Variants in LARS2 observed in about 807,000 individuals in gnomAD.
LARS2 encodes the protein leucyl-tRNA synthetase 2, mitochondrial, also known as leucine--tRNA ligase, mitochondrial.
In LARS2, 81 loss-of-function variants were observed where a neutral mutation model predicts 116.6. The observed-to-expected ratio is 0.69, with a 90% CI of 0.58 to 0.84. The LOEUF (loss-of-function observed/expected upper bound fraction) is 0.84, where lower values mean the gene tolerates loss of function less well. LARS2 is among the 40% of genes least tolerant of loss of function. The pLI is 0.00. For synonymous variants in LARS2, 396 were observed against 407.2 expected (o/e 0.97, Z 0.33); for missense variants, 968 against 1,114.5 (o/e 0.87, Z 1.87).
chr3:45,415,884 GAGAGAGAGGGAGA>G (rs1698410104), intron 4 of LARS2, among the ~76,000 whole-genome samples: 1 of 99,948 alleles, frequency 1.0e-5, no homozygotes, highest in Non-Finnish European at 1.7e-5. Flanking sequence ...TATAGAGAGA[GAGAGAGAGGGAGA>G]GAGAGAGAGA....
In LARS2 at chr3:45,446,229, T is replaced by C. The variant is rs115856556; in HGVS notation, c.517-662T>C. Among the ~76,000 whole-genome samples the C allele has an allele frequency of 6.7e-3, 1,020 of 152,376 alleles. 12 individuals carry two copies. The highest frequency in any genetic ancestry group is 0.023 in the African/African-American group (950 of 41,590). On this transcript the variant is annotated intron_variant, in intron 6 of 21. Transcript: ENST00000645846. Reference sequence around the variant, plus strand: ...ATTTGACTTTATCAACTGTAAATTCTGTTTTTAAGAATTCTATAACAAATG... The same window carrying C: ...ATTTGACTTTATCAACTGTAAATTCCGTTTTTAAGAATTCTATAACAAATG...
At chr3:45,433,106 A>C (rs1241730466) in intron 6 of LARS2, among the ~76,000 whole-genome samples, 1 of 152,010 alleles carries the variant, frequency 6.6e-6, no homozygotes, top group East Asian at 1.9e-4. Context: ...TAATTTTTGC[A>C]TAGTATGTCT....
rs1699913571 is a variant in LARS2 at position 45,491,506 on chromosome 3, T to G, written c.1240-11T>G. ...CGGAGAGGAGTGAGCTTTCTTTTCTTTCCCTGTCAGTTCACAGGTATGACC... is the reference window on the plus strand; with the variant it reads ...CGGAGAGGAGTGAGCTTTCTTTTCTGTCCCTGTCAGTTCACAGGTATGACC... On this transcript the variant is annotated splice_polypyrimidine_tract_variant and intron_variant, in intron 12 of 21. Coordinates refer to ENST00000645846, the MANE Select transcript of LARS2 (RefSeq NM_015340.4). 1 of 1,612,386 alleles carries G rather than the reference T, an allele frequency of 6.2e-7. No homozygotes were observed. The highest frequency in any genetic ancestry group is 1.7e-5 in the Admixed American group (1 of 59,976).
At chr3:45,546,761 C>A (rs1700881312) in intron 21 of LARS2, among the ~76,000 whole-genome samples, 1 of 152,140 alleles carries the variant, frequency 6.6e-6, no homozygotes, top group South Asian at 2.1e-4. Context: ...ACTGTACTGA[C>A]CCATGTTAAG....
At chr3:45,428,419 A>G (rs564667452) in intron 6 of LARS2, among the ~76,000 whole-genome samples, 8 of 150,760 alleles carry the variant, frequency 5.3e-5, no homozygotes, top group African/African-American at 1.7e-4. Context: ...AATTTTTTTT[A>G]TATTTTTAGT....
intron 17 of LARS2, among the ~76,000 whole-genome samples, chr3:45,516,951 G>A (rs1575308155): frequency 6.6e-6 from 1 of 152,332 alleles, no homozygotes; most frequent in East Asian, 1.9e-4. Context: ...TACTTCATGT[G>A]ATCAGCCCTA....
intron 4 of LARS2, among the ~76,000 whole-genome samples, chr3:45,403,857 C>T (rs1387448530): frequency 2.6e-5 from 4 of 152,140 alleles, no homozygotes; most frequent in East Asian, 3.9e-4. Flanking sequence ...TCTAGCCAAG[C>T]GACTCTACAG....
At chr3:45,399,209 A>G (rs1405785516) in intron 3 of LARS2, among the ~76,000 whole-genome samples, 1 of 152,308 alleles carries the variant, frequency 6.6e-6, no homozygotes, top group South Asian at 2.1e-4. Context: ...ATTTTTGTTG[A>G]AAGATAGGCT....
intron 5 of LARS2, 89 bp from the exon 6 acceptor site, chr3:45,419,580 T>G (rs1698482931): frequency 3.0e-6 from 3 of 988,084 alleles, no homozygotes; most frequent in Non-Finnish European, 4.8e-6. Context: ...TTTAGACTTT[T>G]TCAGTTTCCC....
intron 15 of LARS2, among the ~76,000 whole-genome samples, chr3:45,512,615 C>T (rs1207600213): frequency 6.6e-6 from 1 of 151,978 alleles, no homozygotes; most frequent in African/African-American, 2.4e-5. Flanking sequence ...AGTGAAATAC[C>T]ATAAAGTATA....
At position 45,400,907 on chromosome 3, in the gene LARS2, G is replaced by A. The variant is rs372870841; in HGVS notation, c.363+534G>A. On this transcript the variant is annotated intron_variant, in intron 4 of 21. Coordinates refer to ENST00000645846, the MANE Select transcript of LARS2 (RefSeq NM_015340.4). ...CGGCTCACTGCAACCTCCCCCTCCC[G>A]GGTTCACGCCATTCTCCTGCCTCAG... 2.4e-3 allele frequency among the ~76,000 whole-genome samples: 366 copies of A among 151,794 alleles called. 15 individuals are homozygous for A. The South Asian group carries it at 0.073, about 30-fold the overall frequency.
chr3:45,418,171 G>A (rs542469679), intron 5 of LARS2, among the ~76,000 whole-genome samples: 97 of 152,278 alleles, frequency 6.4e-4, no homozygotes, highest in Non-Finnish European at 1.2e-3. Flanking sequence ...CCTCACCCTA[G>A]AACTTGGCAG....
chr3:45,522,236 T>C (rs1309405518), intron 19 of LARS2, among the ~76,000 whole-genome samples: 1 of 152,230 alleles, frequency 6.6e-6, no homozygotes, highest in Non-Finnish European at 1.5e-5. Flanking sequence ...AGGTTGATTG[T>C]GTTATATCCT....
At chr3:45,514,672 C>T (rs565398985) in intron 16 of LARS2, among the ~76,000 whole-genome samples, 3 of 152,292 alleles carry the variant, frequency 2.0e-5, no homozygotes, top group East Asian at 3.9e-4. Flanking sequence ...GAAATGCAGC[C>T]GTTTCTCAAG....
intron 14 of LARS2, among the ~76,000 whole-genome samples, chr3:45,496,782 G>C (rs1177581739): frequency 6.6e-6 from 1 of 152,246 alleles, no homozygotes; most frequent in Non-Finnish European, 1.5e-5. Flanking sequence ...TGGGTCCACA[G>C]ATGCAGCAGC....
chr3:45,521,299 C>T (rs1254718380), intron 19 of LARS2, among the ~76,000 whole-genome samples: 2 of 151,916 alleles, frequency 1.3e-5, no homozygotes, highest in Non-Finnish European at 2.9e-5. Context: ...AGCAAGACTC[C>T]GCCTCAAAAA....
At chr3:45,465,467 G>C (rs146201523) in intron 8 of LARS2, among the ~76,000 whole-genome samples, 4 of 152,230 alleles carry the variant, frequency 2.6e-5, no homozygotes, top group Non-Finnish European at 4.4e-5. Context: ...GGGGTAGGAA[G>C]GGCACAGAGG....
rs1698970363 is a variant in LARS2, at chr3:45,444,163, C to T, written c.517-2728C>T. Among the ~76,000 whole-genome samples the T allele has an allele frequency of 4.1e-5, 5 of 121,740 alleles. No individual in the cohort carries two copies. The South Asian group carries it at 1.8e-3, about 43-fold the overall frequency. The allele number at this position is 121,740 out of a possible 152,430, so 79.9% of individuals were successfully genotyped here. A position where few individuals can be genotyped will look rare whatever the true frequency, so the allele number is the denominator to read the frequency against. ...GGGACTACAGGTGCCCACCACCATTCCTGGCTAATTTTTTTTTTTTTTTGT... is the reference window on the plus strand; with the variant it reads ...GGGACTACAGGTGCCCACCACCATTTCTGGCTAATTTTTTTTTTTTTTTGT... On this transcript the variant is annotated intron_variant, in intron 6 of 21. Coordinates refer to ENST00000645846, the MANE Select transcript of LARS2 (RefSeq NM_015340.4).
At chr3:45,510,228 C>G (rs1006634439) in intron 15 of LARS2, among the ~76,000 whole-genome samples, 1 of 151,982 alleles carries the variant, frequency 6.6e-6, no homozygotes, top group South Asian at 2.1e-4. Flanking sequence ...GCCTGGGCAA[C>G]ATAGTGAGAC....
Sources: allele counts gnomAD v4.1 joint callset (sites outside exome capture counted in the v4.1 genomes callset), GRCh38; gene constraint gnomAD v4.1.1; transcripts MANE v1.5; gene names NCBI Gene and HGNC (gene_info 2026-07-23, HGNC 2026-07-21).